Variants in NBAS observed in about 807,000 individuals in gnomAD.
NBAS encodes the protein NBAS subunit of NRZ tethering complex, also known as NAG/BC035112 fusion.
Under a neutral mutation model 302.5 loss-of-function variants are expected in NBAS, and 219 were observed. The observed-to-expected ratio is 0.72, with a 90% confidence interval of 0.65 to 0.81. The LOEUF is 0.81. Among genes scored for constraint, NBAS ranks in the 30% least tolerant of loss-of-function variants. NBAS has a pLI of 0.00. For synonymous variants in NBAS, 1,118 were observed against 1,021.6 expected (o/e 1.09, Z -1.80); for missense variants, 2,932 against 2,841.6 (o/e 1.03, Z -0.72).
At chr2:14,899,013 G>A in the NBAS span, among the ~76,000 whole-genome samples, 1 of 152,104 alleles carries the variant, frequency 6.6e-6, no homozygotes, top group Non-Finnish European at 1.5e-5. Flanking sequence ...GTCTCATCTG[G>A]AAGCTCCACC....
the NBAS span, among the ~76,000 whole-genome samples, chr2:15,062,669 C>A: frequency 6.6e-6 from 1 of 152,146 alleles, no homozygotes; most frequent in Non-Finnish European, 1.5e-5. Context: ...AGGATTTAGA[C>A]ATTGTCATCT....
intron 9 of NBAS, among the ~76,000 whole-genome samples, chr2:15,530,560 T>C (rs1663168698): frequency 6.6e-6 from 1 of 152,026 alleles, no homozygotes; most frequent in Non-Finnish European, 1.5e-5. Context: ...TCAAAAAGCA[T>C]TTCAAACTAC....
At chr2:15,139,109 G>A in the NBAS span, among the ~76,000 whole-genome samples, 2 of 152,188 alleles carry the variant, frequency 1.3e-5, no homozygotes, top group Non-Finnish European at 2.9e-5. Flanking sequence ...AGATAATAAA[G>A]AATATTTTGC....
At chr2:15,073,408 AG>A in the NBAS span, among the ~76,000 whole-genome samples, 34 of 149,888 alleles carry the variant, frequency 2.3e-4, no homozygotes, top group Non-Finnish European at 4.7e-4. Context: ...CCTGGGAGGC[AG>A]AGGTTGCAGT....
intron 38 of NBAS, among the ~76,000 whole-genome samples, chr2:15,309,910 G>C (rs1436562032): frequency 6.6e-6 from 1 of 152,110 alleles, no homozygotes; most frequent in Non-Finnish European, 1.5e-5. Flanking sequence ...TACACAGCTT[G>C]TTTCAATAAG....
chr2:15,535,523 G>GAAATAAATAAATAAAT (rs58852086), intron 8 of NBAS, among the ~76,000 whole-genome samples: 13 of 99,786 alleles, frequency 1.3e-4, no homozygotes, highest in African/African-American at 4.4e-4. Flanking sequence ...CTCCGTCTCA[G>GAAATAAATAAATAAAT]AAATAAATAA....
intron 44 of NBAS, among the ~76,000 whole-genome samples, chr2:15,258,519 T>C (rs1668704686): frequency 6.6e-6 from 1 of 152,120 alleles, no homozygotes; most frequent in Non-Finnish European, 1.5e-5. Flanking sequence ...AGGAATGCAT[T>C]CCTGGGGGGA....
intron 21 of NBAS, among the ~76,000 whole-genome samples, chr2:15,436,543 G>C (rs906972492): frequency 2.6e-5 from 4 of 152,070 alleles, no homozygotes; most frequent in African/African-American, 7.2e-5. Context: ...TATTCAAAAA[G>C]AAAAACTAAA....
the NBAS span, among the ~76,000 whole-genome samples, chr2:15,087,573 G>A: frequency 6.6e-6 from 1 of 152,198 alleles, no homozygotes; most frequent in African/African-American, 2.4e-5. Context: ...TGTTCTCAGA[G>A]AACTCGTCAG....
At chr2:15,394,142 A>G (rs1187805858) in intron 28 of NBAS, 85 bp downstream of exon 28, 2 of 1,404,316 alleles carry the variant, frequency 1.4e-6, no homozygotes, top group East Asian at 2.5e-5. Context: ...TAGTTATAAC[A>G]CAATGAGGTT....
In NBAS at chr2:15,490,123, G is replaced by A. The variant is rs936340704; in HGVS notation, c.955-1101C>T. 5.9e-5 allele frequency among the ~76,000 whole-genome samples: 9 copies of A among 151,992 alleles called. No homozygotes were observed. In the South Asian group the frequency reaches 8.3e-4, roughly 14 times the overall value. On this transcript the variant is annotated intron_variant, in intron 11 of 51. Coordinates refer to ENST00000281513, the MANE Select transcript of NBAS (RefSeq NM_015909.4). ...GGGGTCAAATACTAGCTATAGAACT[G>A]AAAATGAAACATGACTATACTGAAA...
intron 25 of NBAS, among the ~76,000 whole-genome samples, chr2:15,408,863 A>G (rs1320037521): frequency 6.6e-6 from 1 of 152,234 alleles, no homozygotes; most frequent in East Asian, 1.9e-4. Context: ...TGTTTAAAAC[A>G]TAACTACCAA....
At chr2:15,527,110 A>AC (rs1418423783) in intron 9 of NBAS, among the ~76,000 whole-genome samples, 1 of 150,236 alleles carries the variant, frequency 6.7e-6, no homozygotes, top group Non-Finnish European at 1.5e-5. Flanking sequence ...AAAAAAAAAA[A>AC]ACACAGAAAT....
chr2:15,255,976 A>C (rs1050980929), intron 44 of NBAS, among the ~76,000 whole-genome samples: 7 of 152,164 alleles, frequency 4.6e-5, no homozygotes, highest in African/African-American at 1.7e-4. Context: ...GTATAGTTTG[A>C]AGTTAGGTAA....
the NBAS span, among the ~76,000 whole-genome samples, chr2:14,866,721 A>G: frequency 9.9e-5 from 15 of 152,222 alleles, no homozygotes; most frequent in Non-Finnish European, 1.5e-5. Context: ...CACTGAAGGC[A>G]TAAGAGACAT....
At chr2:14,989,205 TG>T in the NBAS span, among the ~76,000 whole-genome samples, 1 of 152,262 alleles carries the variant, frequency 6.6e-6, no homozygotes, top group African/African-American at 2.4e-5. Context: ...TTGTGTTTAC[TG>T]AATTGTAATA....
intron 6 of NBAS, among the ~76,000 whole-genome samples, chr2:15,546,583 G>T (rs1168895303): frequency 6.6e-6 from 1 of 152,200 alleles, no homozygotes; most frequent in East Asian, 1.9e-4. Context: ...ACAAAAATTA[G>T]CTGGGCATGG....
the NBAS span, among the ~76,000 whole-genome samples, chr2:15,098,669 TTATATTA>T: frequency 1.8e-5 from 2 of 114,104 alleles, no homozygotes; most frequent in Non-Finnish European, 3.6e-5. Flanking sequence ...ATTATATACA[TTATATTA>T]TATATTATAT....
At chr2:15,493,422 C>A (rs1356330151) in intron 11 of NBAS, among the ~76,000 whole-genome samples, 2 of 152,138 alleles carry the variant, frequency 1.3e-5, no homozygotes, top group Admixed American at 6.5e-5. Flanking sequence ...AATCCCAGTA[C>A]TATGGGAGGC....
Sources: gnomAD v4.1 joint callset for allele counts (sites outside exome capture counted in the v4.1 genomes callset) on GRCh38, gnomAD v4.1.1 for gene constraint, MANE v1.5 for transcripts, NCBI Gene and HGNC (gene_info 2026-07-23, HGNC 2026-07-21) for gene names.